The following PCDHA4 variants were observed in gnomAD, a reference collection of about 807,000 sequenced individuals.
PCDHA4 encodes protocadherin alpha-4.
In PCDHA4, 49 loss-of-function variants were observed where a neutral mutation model predicts 61.4. That is an observed-to-expected ratio of 0.80 (90% CI 0.63 to 1.01). The LOEUF is 1.01. PCDHA4 is among the 50% of genes least tolerant of loss of function. PCDHA4 has a pLI of 0.00. For synonymous variants in PCDHA4, 590 were observed against 550.3 expected, an observed-to-expected ratio of 1.07 and a Z score of -1.01; for missense variants, 1,254 against 1,235.8, an observed-to-expected ratio of 1.01 and a Z score of -0.22.
intron 1 of PCDHA4, among the ~76,000 whole-genome samples, chr5:140,911,672 C>T (rs1010402307): frequency 2.6e-5 from 4 of 152,154 alleles, no homozygotes; most frequent in Non-Finnish European, 5.9e-5. Flanking sequence ...TTGCCTCTCA[C>T]GAACCGTGCA....
chr5:140,964,759 G>T (rs1419505922), intron 1 of PCDHA4, among the ~76,000 whole-genome samples: 6 of 151,804 alleles, frequency 4.0e-5, no homozygotes, highest in Non-Finnish European at 7.4e-5. Context: ...GATGTTTGGG[G>T]AGGATGCAGA....
rs1554244374 is a variant in PCDHA4 at position 140,982,509 on chromosome 5, GC to G, written c.2480del (p.Ala827ValfsTer85). ...VHLEEAGILR[A>X]GPGGPDQQWP... is the part of the protein sequence containing the mutation. ...CCTAGAGGAGGCTGGCATTCTACGGGCTGGTCCAGGAGGGCCTGATCAGCAG... is the reference window on the plus strand; with the variant it reads ...CCTAGAGGAGGCTGGCATTCTACGGGTGGTCCAGGAGGGCCTGATCAGCAG... On this transcript the variant is annotated frameshift_variant, in exon 3 of 4. Transcript: ENST00000530339. LOFTEE classifies it high-confidence loss of function. 6.2e-7 allele frequency: 1 copy of G among 1,614,206 alleles called. No homozygotes were observed. Among genetic ancestry groups the G allele is most frequent in the Non-Finnish European group, 8.5e-7 (1 of 1,180,032 alleles).
At chr5:140,810,850 A>G (rs1175941230) in intron 1 of PCDHA4, 4 of 151,950 alleles carry the variant, frequency 2.6e-5, no homozygotes, top group Non-Finnish European at 4.4e-5. Flanking sequence ...TTTTGATTAA[A>G]CTCAATTTAT....
chr5:140,972,287 G>T (rs2096528818), intron 1 of PCDHA4, among the ~76,000 whole-genome samples: 1 of 151,036 alleles, frequency 6.6e-6, no homozygotes, highest in Non-Finnish European at 1.5e-5. Flanking sequence ...CCATAGATGT[G>T]CGCCACCGTG....
chr5:140,835,702 G>T, intron 1 of PCDHA4: 1 of 1,613,922 alleles, frequency 6.2e-7, no homozygotes, highest in South Asian at 1.1e-5. Context: ...GCCACTGCTA[G>T]CGTGTCCGTG....
At chr5:140,834,987 A>G in intron 1 of PCDHA4, 1 of 1,457,052 alleles carries the variant, frequency 6.9e-7, no homozygotes, top group Non-Finnish European at 9.3e-7. Flanking sequence ...ACTTTTAGAC[A>G]GAGAAGAAAC....
At chr5:140,857,404 T>G (rs150677637) in intron 1 of PCDHA4, 4 of 1,597,852 alleles carry the variant, frequency 2.5e-6, no homozygotes, top group African/African-American at 1.3e-5. Context: ...ACAACGCGCC[T>G]GCGTTCGCGC....
Position 140,809,089 on chromosome 5 carries a change from G to C in PCDHA4, c.1902G>C (p.Thr634=). Residue 634 remains threonine, a synonymous_variant, in exon 1 of 4, where the codon ACG becomes ACC. Coordinates refer to ENST00000530339, the MANE Select transcript of PCDHA4 (RefSeq NM_018907.4). ...TGTACACTGGCGAGATCAGCACAAC[G>C]CGTGCCCTGGACGAAACGGACGCTC... ...VGLYTGEIST[T]RALDETDAPR... 6.2e-7 allele frequency: 1 copy of C among 1,613,934 alleles called. No individual in the cohort carries two copies. The highest frequency in any genetic ancestry group is 8.5e-7 in the Non-Finnish European group (1 of 1,179,920).
intron 1 of PCDHA4, chr5:140,856,875 T>A: frequency 1.9e-6 from 3 of 1,595,778 alleles, no homozygotes; most frequent in Non-Finnish European, 2.6e-6. Context: ...AACAAGGAAA[T>A]GATGTATTCA....
chr5:140,823,174 A>T, intron 1 of PCDHA4: 1 of 1,613,916 alleles, frequency 6.2e-7, no homozygotes, highest in Non-Finnish European at 8.5e-7. Flanking sequence ...GAAGGAGAAC[A>T]ACCCGCCAGG....
At chr5:140,975,520 T>G (rs2153807475) in intron 1 of PCDHA4, among the ~76,000 whole-genome samples, 1 of 152,342 alleles carries the variant, frequency 6.6e-6, no homozygotes, top group East Asian at 1.9e-4. Flanking sequence ...AAATCTGCAG[T>G]GGATATATTC....
intron 1 of PCDHA4, chr5:140,928,913 G>T (rs782438428): frequency 2.5e-6 from 4 of 1,614,132 alleles, no homozygotes; most frequent in Non-Finnish European, 2.5e-6. Flanking sequence ...TGGGAACCAG[G>T]AGGGCAGCTT....
intron 1 of PCDHA4, chr5:140,877,907 T>G (rs2057390973): frequency 2.1e-6 from 3 of 1,433,442 alleles, no homozygotes; most frequent in Non-Finnish European, 2.8e-6. Context: ...TATAACTACA[T>G]TCTCTCATTT....
At chr5:140,990,354 G>GA (rs1554251439) in intron 3 of PCDHA4, among the ~76,000 whole-genome samples, 1 of 152,158 alleles carries the variant, frequency 6.6e-6, no homozygotes, top group Non-Finnish European at 1.5e-5. Context: ...GCCCTGTACA[G>GA]AAAATCTAAT....
At chr5:140,981,019 T>C (rs1396794400) in intron 2 of PCDHA4, among the ~76,000 whole-genome samples, 1 of 152,124 alleles carries the variant, frequency 6.6e-6, no homozygotes, top group Non-Finnish European at 1.5e-5. Flanking sequence ...ACTTGAAGGC[T>C]GTTAATATTT....
rs78166744 is a variant in PCDHA4, at chr5:140,875,394, G to A, written c.2385+65822G>A. Reference sequence around the variant, plus strand: ...TACTAAATATGTACTTACAGAAAAGGGTGACTGCTCATAAAATACCTCAGG... The same window carrying A: ...TACTAAATATGTACTTACAGAAAAGAGTGACTGCTCATAAAATACCTCAGG... On this transcript the variant is annotated intron_variant, in intron 1 of 3. Coordinates refer to ENST00000530339, the MANE Select transcript of PCDHA4 (RefSeq NM_018907.4). The A allele has an allele frequency of 1.4e-3, 2,104 of 1,476,976 alleles. 18 individuals carry two copies. The African/African-American group carries it at 0.02, about 14-fold the overall frequency. The allele number at this position is 1,476,976 out of a possible 1,614,324, so 91.5% of individuals were successfully genotyped here.
rs146613275 is a variant in PCDHA4, at chr5:140,871,400, C to G, written c.2385+61828C>G. ...TGCTCTGAGGAGGGCCCACCTAAGA[C>G]GGACCTCATGGCCTTCAGCCCCAGT... On this transcript the variant is annotated intron_variant, in intron 1 of 3. Transcript: ENST00000530339. The G allele has an allele frequency of 1.8e-4, 284 of 1,614,130 alleles. 1 individual carries two copies. The African/African-American group carries it at 2.8e-3, about 16-fold the overall frequency.
chr5:140,876,834 G>C (rs1481867678), intron 1 of PCDHA4: 2 of 1,614,042 alleles, frequency 1.2e-6, no homozygotes, highest in Non-Finnish European at 1.7e-6. Context: ...ATGCGCCTGC[G>C]TTCGCGCAGC....
intron 1 of PCDHA4, chr5:140,852,359 C>T (rs2042307858): frequency 1.5e-5 from 3 of 204,042 alleles, no homozygotes; most frequent in Non-Finnish European, 1.9e-5. Flanking sequence ...CTCACTGCAA[C>T]GTCTGCCTCC....
Sources: allele counts gnomAD v4.1 joint callset (sites outside exome capture counted in the v4.1 genomes callset), GRCh38; gene constraint gnomAD v4.1.1; transcripts MANE v1.5; gene names NCBI Gene and HGNC (gene_info 2026-07-23, HGNC 2026-07-21).